The following ARHGAP24 variants were observed in gnomAD, a reference collection of about 807,000 sequenced individuals.
ARHGAP24 encodes rho GTPase-activating protein 24.
In ARHGAP24, 50 loss-of-function variants were observed where a neutral mutation model predicts 76.4. The ratio of observed to expected loss-of-function variants is 0.65; its 90% CI spans 0.52 to 0.83. The LOEUF (loss-of-function observed/expected upper bound fraction) is 0.83. ARHGAP24 is among the 40% of genes least tolerant of loss of function. The pLI, the probability that ARHGAP24 is intolerant of heterozygous loss-of-function variation, is 0.00. For synonymous variants in ARHGAP24, 345 were observed against 323.3 expected (o/e 1.07, Z -0.72); for missense variants, 930 against 914.2 (o/e 1.02, Z -0.22).
At position 85,967,816 on chromosome 4, in the gene ARHGAP24, A is replaced by G. The variant is rs571995488; in HGVS notation, c.600-4220A>G. Among the ~76,000 whole-genome samples the G allele has an allele frequency of 9.8e-5, 15 of 152,300 alleles. No homozygotes were observed. The South Asian group carries it at 3.1e-3, about 32-fold the overall frequency. On this transcript the variant is annotated intron_variant, in intron 5 of 9. Transcript: ENST00000395184. ...TAAAAGACAGAATTACAACAAATCT[A>G]GTTTAGTAGATCTTCATTGGCTTTT...
At chr4:85,590,211 TTCCTTCCTTCCTTC>T (rs1728033227) in intron 2 of ARHGAP24, among the ~76,000 whole-genome samples, 1 of 109,474 alleles carries the variant, frequency 9.1e-6, no homozygotes, top group East Asian at 6.2e-4. Context: ...CCTTCCTTCC[TTCCTTCCTTCCTTC>T]CTTCCTTCCT....
In ARHGAP24 at chr4:85,857,506, T is replaced by A. The variant is rs185581536; in HGVS notation, c.269-66142T>A. Among the ~76,000 whole-genome samples the A allele has an allele frequency of 2.6e-3, 391 of 152,334 alleles. 5 individuals are homozygous for A. Among genetic ancestry groups the A allele is most frequent in the Non-Finnish European group, 1.1e-3 (77 of 68,024 alleles). The stretch of plus-strand genomic sequence containing the variant: ...TCATCAAGATCAATTATTATGTATT[T>A]TTTTGGTTTCCCCCAACCCATTTAT... On this transcript the variant is annotated intron_variant, in intron 3 of 9. Transcript: ENST00000395184.
intron 5 of ARHGAP24, among the ~76,000 whole-genome samples, chr4:85,967,902 C>A (rs1738724990): frequency 6.6e-6 from 1 of 152,208 alleles, no homozygotes; most frequent in African/African-American, 2.4e-5. Flanking sequence ...TTCCACCCTA[C>A]CACATGTGCA....
At chr4:85,540,809 A>G (rs1157284248) in intron 1 of ARHGAP24, among the ~76,000 whole-genome samples, 1 of 152,126 alleles carries the variant, frequency 6.6e-6, no homozygotes, top group Non-Finnish European at 1.5e-5. Context: ...CATGAGTCTT[A>G]TAAAATTCTG....
At chr4:85,952,879 T>G (rs887746781) in intron 5 of ARHGAP24, among the ~76,000 whole-genome samples, 1 of 152,240 alleles carries the variant, frequency 6.6e-6, no homozygotes, top group African/African-American at 2.4e-5. Context: ...CTTTATTCTT[T>G]CTATTTAGAA....
chr4:85,646,048 TTAAC>T (rs1721710215), intron 2 of ARHGAP24, among the ~76,000 whole-genome samples: 1 of 152,084 alleles, frequency 6.6e-6, no homozygotes, highest in South Asian at 2.1e-4. Flanking sequence ...TGTTGAAAAT[TTAAC>T]TACAAAATAA....
At chr4:85,536,112 G>C (rs1435505704) in intron 1 of ARHGAP24, among the ~76,000 whole-genome samples, 2 of 151,718 alleles carry the variant, frequency 1.3e-5, no homozygotes, top group Non-Finnish European at 2.9e-5. Context: ...TCAGTTGAGT[G>C]ATATAATCAG....
At chr4:85,832,069 G>A (rs1730021391) in intron 3 of ARHGAP24, among the ~76,000 whole-genome samples, 1 of 152,146 alleles carries the variant, frequency 6.6e-6, no homozygotes, top group South Asian at 2.1e-4. Flanking sequence ...AGAAGAGAGG[G>A]GCAGGCCACA....
intron 5 of ARHGAP24, among the ~76,000 whole-genome samples, chr4:85,954,570 C>T (rs547334151): frequency 5.3e-5 from 8 of 152,304 alleles, no homozygotes; most frequent in Admixed American, 2.6e-4. Flanking sequence ...GATCCTTGCT[C>T]GTGCTCCCTT....
intron 2 of ARHGAP24, among the ~76,000 whole-genome samples, chr4:85,637,179 CAT>C (rs1224291684): frequency 6.6e-6 from 1 of 152,032 alleles, no homozygotes; most frequent in Non-Finnish European, 1.5e-5. Flanking sequence ...GATGCATACT[CAT>C]AAGGTGTCTG....
At chr4:85,603,796 GC>G (rs1720108192) in intron 2 of ARHGAP24, among the ~76,000 whole-genome samples, 1 of 152,152 alleles carries the variant, frequency 6.6e-6, no homozygotes, top group Non-Finnish European at 1.5e-5. Context: ...TAATGTGTCT[GC>G]ACAAAGTCAG....
chr4:85,729,870 G>T (rs1235797358), intron 3 of ARHGAP24, among the ~76,000 whole-genome samples: 1 of 151,908 alleles, frequency 6.6e-6, no homozygotes, highest in East Asian at 1.9e-4. Context: ...ACCAGATTTG[G>T]CCCGTGGGCA....
At chr4:85,506,689 C>T (rs923791039) in intron 1 of ARHGAP24, among the ~76,000 whole-genome samples, 2 of 152,216 alleles carry the variant, frequency 1.3e-5, no homozygotes, top group African/African-American at 2.4e-5. Context: ...TCCACCAACC[C>T]CTTGCACTTC....
intron 3 of ARHGAP24, among the ~76,000 whole-genome samples, chr4:85,871,403 T>C (rs1732517346): frequency 6.6e-6 from 1 of 152,222 alleles, no homozygotes; most frequent in Non-Finnish European, 1.5e-5. Flanking sequence ...TACACCTTCT[T>C]TTCTACCTTA....
intron 2 of ARHGAP24, among the ~76,000 whole-genome samples, chr4:85,696,579 G>A (rs1462072086): frequency 6.6e-6 from 1 of 152,014 alleles, no homozygotes; most frequent in Non-Finnish European, 1.5e-5. Context: ...CATTTTTAAT[G>A]CCTGTAATGC....
chr4:85,797,411 G>A (rs974134169), intron 3 of ARHGAP24, among the ~76,000 whole-genome samples: 2 of 152,120 alleles, frequency 1.3e-5, no homozygotes, highest in African/African-American at 4.8e-5. Flanking sequence ...CTGACCTTGT[G>A]ATCCACCCGC....
intron 1 of ARHGAP24, among the ~76,000 whole-genome samples, chr4:85,476,128 G>C (rs1722589267): frequency 6.6e-6 from 1 of 150,392 alleles, no homozygotes; most frequent in Non-Finnish European, 1.5e-5. Flanking sequence ...AAACGTTAGG[G>C]AATCTTTGGT....
chr4:85,988,611 C>T (rs1578472759), intron 8 of ARHGAP24, among the ~76,000 whole-genome samples: 1 of 150,722 alleles, frequency 6.6e-6, no homozygotes, highest in East Asian at 1.9e-4. Context: ...TAATAATAAA[C>T]TTTTTTTAAA....
chr4:85,562,490 G>A (rs1413289069), intron 1 of ARHGAP24, among the ~76,000 whole-genome samples: 1 of 152,016 alleles, frequency 6.6e-6, no homozygotes, highest in Non-Finnish European at 1.5e-5. Context: ...GAGCCACATA[G>A]CTACATAATT....
Sources: gnomAD v4.1 joint callset for allele counts (sites outside exome capture counted in the v4.1 genomes callset) on GRCh38, gnomAD v4.1.1 for gene constraint, MANE v1.5 for transcripts, NCBI Gene and HGNC (gene_info 2026-07-23, HGNC 2026-07-21) for gene names.